Variants in KIDINS220 observed in about 807,000 individuals in gnomAD.
KIDINS220 encodes kinase D-interacting substrate of 220 kDa.
KIDINS220 carries 63 observed loss-of-function variants against 157.6 expected under a neutral mutation model. The ratio of observed to expected loss-of-function variants is 0.40; its 90% CI spans 0.33 to 0.49. The LOEUF (loss-of-function observed/expected upper bound fraction) is 0.49, where lower values mean the gene tolerates loss of function less well. KIDINS220 is among the 20% of genes least tolerant of loss of function. KIDINS220 has a pLI of 0.66. For synonymous variants in KIDINS220, 732 were observed against 783.6 expected, an observed-to-expected ratio of 0.93 and a Z score of 1.10; for missense variants, 1,772 against 2,171.2, an observed-to-expected ratio of 0.82 and a Z score of 3.65.
chr2:8,791,643 G>A (rs915863215), intron 12 of KIDINS220, among the ~76,000 whole-genome samples: 8 of 152,002 alleles, frequency 5.3e-5, no homozygotes, highest in African/African-American at 9.7e-5. Context: ...TTTTAGAATC[G>A]ATAAAATATG....
At chr2:8,828,258 G>T (rs572261604) in intron 1 of KIDINS220, among the ~76,000 whole-genome samples, 1 of 152,168 alleles carries the variant, frequency 6.6e-6, no homozygotes, top group East Asian at 1.9e-4. Context: ...TCTTCCACAG[G>T]ACATGCACAC....
chr2:8,776,975 T>C (rs959152588), intron 20 of KIDINS220, 83 bp from the exon 21 acceptor site: 10 of 1,426,232 alleles, frequency 7.0e-6, no homozygotes, highest in Non-Finnish European at 9.5e-6. Context: ...AATAAATGTT[T>C]ATAACAAAAA....
chr2:8,721,935 T>C (rs1662980529), downstream of KIDINS220: 1 of 151,858 alleles, frequency 6.6e-6, no homozygotes, highest in African/African-American at 2.4e-5. Flanking sequence ...CATTTTATTA[T>C]AACAAATACA....
rs564497656 is a variant in KIDINS220 at position 8,770,650 on chromosome 2, A to G, written c.3011+20T>C. On this transcript the variant is annotated intron_variant, in intron 22 of 29. Coordinates refer to ENST00000256707, the MANE Select transcript of KIDINS220 (RefSeq NM_020738.4). Reference sequence around the variant, plus strand: ...CTCAACCTAAAATAAAGTAAAATACAAAGAGGTCACAAAAGGTACCTTTCG... The same window carrying G: ...CTCAACCTAAAATAAAGTAAAATACGAAGAGGTCACAAAAGGTACCTTTCG... 3.4e-6 allele frequency: 5 copies of G among 1,488,764 alleles called. No homozygotes were observed. In the East Asian group the frequency reaches 9.2e-5, roughly 27 times the overall value. The allele number at this position is 1,488,764 out of a possible 1,614,324, so 92.2% of individuals were successfully genotyped here. A position where few individuals can be genotyped will look rare whatever the true frequency, so the allele number is the denominator to read the frequency against.
chr2:8,774,517 G>A (rs1009972809), intron 21 of KIDINS220, among the ~76,000 whole-genome samples: 1 of 152,160 alleles, frequency 6.6e-6, no homozygotes, highest in African/African-American at 2.4e-5. Context: ...ACGAGATGGT[G>A]AGGGAAGATC....
chr2:8,770,288 C>T (rs906319848), intron 22 of KIDINS220, among the ~76,000 whole-genome samples: 1 of 152,116 alleles, frequency 6.6e-6, no homozygotes, highest in Admixed American at 6.6e-5. Context: ...CGCCTACAGT[C>T]CTAGCTACTT....
intron 10 of KIDINS220, among the ~76,000 whole-genome samples, chr2:8,797,228 A>T (rs762276043): frequency 2.0e-5 from 3 of 152,208 alleles, no homozygotes; most frequent in Non-Finnish European, 4.4e-5. Context: ...CAGCCTGTCA[A>T]CGTCCAGGTA....
intron 22 of KIDINS220, among the ~76,000 whole-genome samples, chr2:8,764,193 GAGTA>G (rs1669135751): frequency 6.6e-6 from 1 of 152,122 alleles, no homozygotes; most frequent in South Asian, 2.1e-4. Flanking sequence ...GCCAAGTTAT[GAGTA>G]AGCAAAGGCA....
intron 2 of KIDINS220, among the ~76,000 whole-genome samples, chr2:8,821,435 G>A (rs1677948518): frequency 6.6e-6 from 1 of 151,924 alleles, no homozygotes; most frequent in African/African-American, 2.4e-5. Context: ...GGAAAGCGCT[G>A]TACTAATTCA....
chr2:8,785,913 T>A lies in KIDINS220; in HGVS notation c.2057A>T (p.His686Leu). Reference sequence around the variant, plus strand: ...TATGAGGACAGCATTTACAGTCAGATGCTTTGGGTCAACTCTAAATATAGC... The same window carrying A: ...TATGAGGACAGCATTTACAGTCAGAAGCTTTGGGTCAACTCTAAATATAGC... The part of the protein sequence containing the change: ...LLAIFRVDPK[H>L]LTVNAVLISI... The change falls in exon 17 of 30, where the codon CAT becomes CTT. Residue 686 changes from histidine to leucine, a missense_variant. Physicochemically the swap from His to Leu is moderately conservative, Grantham distance 99. Transcript: ENST00000256707. The A allele has an allele frequency of 1.2e-6, 2 of 1,614,224 alleles. No homozygotes were observed. The highest frequency in any genetic ancestry group is 1.1e-5 in the South Asian group (1 of 91,088).
chr2:8,750,044 C>A, intron 24 of KIDINS220, 68 bp downstream of exon 24: 1 of 1,363,962 alleles, frequency 7.3e-7, no homozygotes, highest in Non-Finnish European at 1.0e-6. Flanking sequence ...AAACAGAATC[C>A]ACAAGCAGAA....
chr2:8,734,888 G>A, intron 27 of KIDINS220, 135 bp from the exon 28 acceptor site: 1 of 576,752 alleles, frequency 1.7e-6, no homozygotes. Context: ...CAAAAAAAAG[G>A]TTATCATCCC....
In KIDINS220 at chr2:8,730,636, A is replaced by G; in HGVS notation, c.*84T>C. ...AGTTATCTGTCAGCAAAATGTAGAA[A>G]GGTGATGGGCGTGGATGGAGTCAAA... On this transcript the variant is annotated 3_prime_UTR_variant, in exon 30 of 30. Coordinates refer to ENST00000256707, the MANE Select transcript of KIDINS220 (RefSeq NM_020738.4). 1 of 1,497,544 alleles carries G rather than the reference A, an allele frequency of 6.7e-7. No homozygotes were observed. The highest frequency in any genetic ancestry group is 2.3e-5 in the East Asian group (1 of 43,864). 92.8% of individuals were successfully genotyped at this position (1,497,544 alleles called of 1,614,324 possible). A position where few individuals can be genotyped will look rare whatever the true frequency, so the allele number is the denominator to read the frequency against.
intron 3 of KIDINS220, among the ~76,000 whole-genome samples, chr2:8,818,262 T>C (rs542395763): frequency 9.9e-5 from 15 of 152,182 alleles, no homozygotes; most frequent in African/African-American, 3.6e-4. Flanking sequence ...ATTCCAAAAA[T>C]ACAGGGAGAA....
chr2:8,784,890 A>C (rs1409856110), intron 17 of KIDINS220, among the ~76,000 whole-genome samples: 1 of 151,854 alleles, frequency 6.6e-6, no homozygotes. Context: ...TAGCAATCAC[A>C]CTCCTTGGTA....
At chr2:8,779,889 GA>G in intron 17 of KIDINS220, 75 bp from the exon 18 acceptor site, 1 of 1,485,904 alleles carries the variant, frequency 6.7e-7, no homozygotes, top group Non-Finnish European at 9.2e-7. Context: ...TAGAAAGCGT[GA>G]TAGAAAGTCA....
intron 29 of KIDINS220, 142 bp from the exon 30 acceptor site, chr2:8,732,124 C>G (rs1664213676): frequency 3.0e-6 from 2 of 659,734 alleles, no homozygotes; most frequent in Non-Finnish European, 2.3e-6. Flanking sequence ...TTCTACATAA[C>G]ACAGATTAAC....
chr2:8,802,419 G>C (rs1450239140), intron 8 of KIDINS220, among the ~76,000 whole-genome samples: 1 of 152,196 alleles, frequency 6.6e-6, no homozygotes, highest in African/African-American at 2.4e-5. Flanking sequence ...AGTCAACAAA[G>C]CCTGCTGGAG....
intron 13 of KIDINS220, 46 bp from the exon 14 acceptor site, chr2:8,790,105 A>T (rs1407034576): frequency 1.3e-6 from 2 of 1,530,254 alleles, no homozygotes; most frequent in Admixed American, 4.6e-5. Context: ...TTTGTTTAAG[A>T]AATACAACTT....
Sources: allele counts gnomAD v4.1 joint callset (sites outside exome capture counted in the v4.1 genomes callset), GRCh38; gene constraint gnomAD v4.1.1; transcripts MANE v1.5; gene names NCBI Gene and HGNC (gene_info 2026-07-23, HGNC 2026-07-21).